SLC36A3: variants seen among roughly 807,000 people sequenced by gnomAD.
The protein encoded by SLC36A3 is proton-coupled amino acid transporter 3.
In SLC36A3, 35 loss-of-function variants were observed where a neutral mutation model predicts 44.3. The ratio of observed to expected loss-of-function variants is 0.79; its 90% CI spans 0.60 to 1.05. The LOEUF is 1.05. Ranked by LOEUF, SLC36A3 falls within the 50% of genes least tolerant of loss-of-function variation. The probability of loss-of-function intolerance (pLI) is 0.00; values close to 1 mark genes in which losing one functional copy is unlikely to be tolerated. For synonymous variants in SLC36A3, 211 were observed against 227.6 expected (o/e 0.93, Z 0.66); for missense variants, 540 against 578.7 (o/e 0.93, Z 0.69).
intron 8 of SLC36A3, among the ~76,000 whole-genome samples, chr5:151,281,616 G>A (rs765767678): frequency 6.6e-6 from 1 of 152,144 alleles, no homozygotes; most frequent in African/African-American, 2.4e-5. Flanking sequence ...TCAGGAGTTC[G>A]ACACCAGCCT....
Position 151,303,224 on chromosome 5 carries a change from T to TA in SLC36A3, c.128+2dup. 6.2e-7 allele frequency: 1 copy of TA among 1,611,898 alleles called. No homozygotes were observed. The highest frequency in any genetic ancestry group is 8.5e-7 in the Non-Finnish European group (1 of 1,178,696). On this transcript the variant is annotated splice_region_variant and intron_variant, in intron 1 of 9. Coordinates refer to ENST00000335230, the MANE Select transcript of SLC36A3 (RefSeq NM_181774.4). ...GGCCTGGAAGGGCGGTGCGGCCACT[T>TA]ACGATAGTCCAGCTTCTCCAGCAGG...
intron 9 of SLC36A3, among the ~76,000 whole-genome samples, chr5:151,279,293 TAAC>T (rs1754222217): frequency 6.6e-6 from 1 of 151,450 alleles, no homozygotes; most frequent in South Asian, 2.1e-4. Context: ...TGTCCCATCT[TAAC>T]AATCATTGCA....
intron 2 of SLC36A3, chr5:151,296,472 G>T (rs1754964563): frequency 8.3e-6 from 5 of 600,814 alleles, no homozygotes; most frequent in Non-Finnish European, 1.5e-5. Flanking sequence ...CCCAACTTCT[G>T]CTAGGATACT....
intron 3 of SLC36A3, 75 bp from the exon 4 acceptor site, chr5:151,293,534 AT>A: frequency 2.5e-6 from 3 of 1,190,130 alleles, no homozygotes; most frequent in Non-Finnish European, 3.6e-6. Context: ...AAAGTGAGTG[AT>A]TTTTATGTAT....
chr5:151,288,320 G>T, intron 5 of SLC36A3, 66 bp downstream of exon 5: 2 of 1,281,056 alleles, frequency 1.6e-6, no homozygotes, highest in Non-Finnish European at 2.2e-6. Context: ...CAATACTTTT[G>T]CTAATGTAGC....
At chr5:151,283,971 T>C in intron 8 of SLC36A3, 73 bp downstream of exon 8, 1 of 1,497,776 alleles carries the variant, frequency 6.7e-7, no homozygotes, top group Non-Finnish European at 8.9e-7. Flanking sequence ...TCAGCTTTGC[T>C]GTGCTCTCTG....
chr5:151,287,056 AATG>A (rs1754562476), intron 6 of SLC36A3, among the ~76,000 whole-genome samples, 187 bp downstream of exon 6: 1 of 152,134 alleles, frequency 6.6e-6, no homozygotes, highest in Non-Finnish European at 1.5e-5. Flanking sequence ...TGTTGATGAC[AATG>A]ATGATGATAA....
intron 1 of SLC36A3, among the ~76,000 whole-genome samples, 169 bp downstream of exon 1, chr5:151,303,058 G>A (rs1177220657): frequency 6.6e-6 from 1 of 152,224 alleles, no homozygotes; most frequent in Non-Finnish European, 1.5e-5. Context: ...CTAGTAGCCA[G>A]AGCCACAGGG....
rs536676497 is a variant in SLC36A3 at position 151,288,427 on chromosome 5, A to G, written c.448T>C (p.Cys150Arg). 1.4e-4 allele frequency: 226 copies of G among 1,602,362 alleles called. 3 individuals carry two copies. The South Asian group carries it at 2.4e-3, about 17-fold the overall frequency. ...GCCATAAACATAAAATAAACACTGC[A>G]GAAGCCCAGCTGGGTGATGACTAAT... Reference protein sequence around the residue: ...FLLVITQLGFCSVYFMFMADN... With the variant: ...FLLVITQLGFRSVYFMFMADN... Residue 150 changes from cysteine to arginine, a missense_variant, in exon 5 of 10, where the codon TGC becomes CGC. Transcript: ENST00000335230.
At chr5:151,302,958 C>A (rs1050044411) in intron 1 of SLC36A3, among the ~76,000 whole-genome samples, 1 of 151,968 alleles carries the variant, frequency 6.6e-6, no homozygotes, top group African/African-American at 2.4e-5. Context: ...GGGCAGACAG[C>A]CTGAGATAGG....
At chr5:151,290,864 C>T (rs1754734774) in intron 4 of SLC36A3, among the ~76,000 whole-genome samples, 1 of 150,806 alleles carries the variant, frequency 6.6e-6, no homozygotes, top group Non-Finnish European at 1.5e-5. Context: ...CACTGCACTC[C>T]AGACTCTGTC....
rs1754119421 is a variant in SLC36A3 at position 151,277,216 on chromosome 5, G to C, written c.*177C>G. 2.4e-6 allele frequency: 2 copies of C among 826,624 alleles called. No individual in the cohort carries two copies. Among genetic ancestry groups the C allele is most frequent in the Admixed American group, 5.9e-5 (2 of 33,638 alleles). The allele number at this position is 826,624 out of a possible 1,614,324, so 51.2% of individuals were successfully genotyped here. On this transcript the variant is annotated 3_prime_UTR_variant, in exon 10 of 10. Coordinates refer to ENST00000335230, the MANE Select transcript of SLC36A3 (RefSeq NM_181774.4). ...CCATCCAAAAAATATAAAACCAAAA[G>C]AGGTGTAGCCTGAGAGACATCAGTG...
chr5:151,294,968 T>G (rs760335002), intron 3 of SLC36A3, among the ~76,000 whole-genome samples: 2 of 151,794 alleles, frequency 1.3e-5, no homozygotes, highest in African/African-American at 2.4e-5. Flanking sequence ...AAAATAAAAC[T>G]GTGAAGTCCC....
At chr5:151,294,251 G>A (rs1360801065) in intron 3 of SLC36A3, among the ~76,000 whole-genome samples, 1 of 152,234 alleles carries the variant, frequency 6.6e-6, no homozygotes, top group African/African-American at 2.4e-5. Context: ...GACGGATATA[G>A]AGATGTGCTG....
Position 151,287,488 on chromosome 5 carries a change from C to G in SLC36A3, c.490-24G>C, listed in dbSNP as rs1476767216. On this transcript the variant is annotated intron_variant, in intron 5 of 9. Coordinates refer to ENST00000335230, the MANE Select transcript of SLC36A3 (RefSeq NM_181774.4). ...ATCTGACATAAAGCACAATGACAGG[C>G]AGTGTGGTTGCTACGTAAAACACAG... The G allele has an allele frequency of 3.7e-6, 6 of 1,607,454 alleles. No individual in the cohort carries two copies. In the South Asian group the frequency reaches 6.6e-5, roughly 18 times the overall value.
Position 151,287,236 on chromosome 5 carries a change from T to C in SLC36A3, c.708+10A>G. The C allele has an allele frequency of 6.2e-7, 1 of 1,613,932 alleles. No homozygotes were observed. The highest frequency in any genetic ancestry group is 8.5e-7 in the Non-Finnish European group (1 of 1,179,884). ...CAGGACCCTGATCCTTTCTTCCCTA[T>C]GGCACAGACCTCCATGATATACTCA... On this transcript the variant is annotated intron_variant, in intron 6 of 9. Transcript: ENST00000335230.
At chr5:151,294,549 G>A (rs1220101487) in intron 3 of SLC36A3, among the ~76,000 whole-genome samples, 2 of 151,912 alleles carry the variant, frequency 1.3e-5, no homozygotes, top group Admixed American at 6.6e-5. Context: ...GCAGTCGGTT[G>A]TCTAACTGAT....
intron 1 of SLC36A3, among the ~76,000 whole-genome samples, chr5:151,302,318 C>T (rs1422737007): frequency 6.6e-6 from 1 of 152,180 alleles, no homozygotes; most frequent in Non-Finnish European, 1.5e-5. Flanking sequence ...CATCGATAAT[C>T]TCTTTGTGCC....
intron 9 of SLC36A3, among the ~76,000 whole-genome samples, chr5:151,280,469 T>G (rs986174015): frequency 3.3e-5 from 5 of 152,222 alleles, no homozygotes; most frequent in Admixed American, 2.0e-4. Context: ...AATAAATAAA[T>G]AAATAATCTC....
Sources: gnomAD v4.1 joint callset for allele counts (sites outside exome capture counted in the v4.1 genomes callset) on GRCh38, gnomAD v4.1.1 for gene constraint, MANE v1.5 for transcripts, NCBI Gene and HGNC (gene_info 2026-07-23, HGNC 2026-07-21) for gene names.